Variants in TTLL5 observed in about 807,000 individuals in gnomAD.
The protein encoded by TTLL5 is tubulin polyglutamylase TTLL5.
A neutral mutation model predicts 168.4 loss-of-function variants in TTLL5; 132 were observed. The observed-to-expected ratio is 0.78, with a 90% CI of 0.68 to 0.91. The LOEUF (loss-of-function observed/expected upper bound fraction) is 0.91. Among genes scored for constraint, TTLL5 ranks in the 40% least tolerant of loss-of-function variants. The pLI, the probability that TTLL5 is intolerant of heterozygous loss-of-function variation, is 0.00. For synonymous variants in TTLL5, 546 were observed against 558.6 expected (o/e 0.98, Z 0.32); for missense variants, 1,545 against 1,581.5 (o/e 0.98, Z 0.39).
chr14:75,887,422 T>TA, intron 30 of TTLL5: 7 of 742,416 alleles, frequency 9.4e-6, no homozygotes, highest in Non-Finnish European at 9.9e-6. Context: ...TATTGTGTGT[T>TA]AACCATGTTC....
intron 1 of TTLL5, among the ~76,000 whole-genome samples, chr14:75,662,412 C>T (rs1890798599): frequency 6.6e-6 from 1 of 151,476 alleles, no homozygotes; most frequent in Non-Finnish European, 1.5e-5. Context: ...GCAACCTCCG[C>T]CTCCCGGGTT....
chr14:75,721,649 A>G (rs1241268480), intron 12 of TTLL5, among the ~76,000 whole-genome samples: 1 of 152,210 alleles, frequency 6.6e-6, no homozygotes, highest in Non-Finnish European at 1.5e-5. Flanking sequence ...TGTTTCCTCA[A>G]CTATAAAATG....
rs138264261 is a variant in TTLL5, at chr14:75,720,644, C to T, written c.983C>T (p.Ala328Val). The change falls in exon 12 of 32, where the codon GCT (alanine) becomes GTT (valine). Residue 328 changes from alanine (A) to valine (V), a missense_variant. Coordinates refer to ENST00000298832, the MANE Select transcript of TTLL5 (RefSeq NM_015072.5). ...CTGATCATTAAGACTATAATCTCTG[C>T]TGAACTAGCTATTGCTACTGCCTGT... Reference protein sequence around the residue: ...EDLIIKTIISAELAIATACKT... With the variant: ...EDLIIKTIISVELAIATACKT... 1.1e-4 allele frequency: 177 copies of T among 1,613,576 alleles called. 1 individual carries two copies. The highest frequency in any genetic ancestry group is 1.4e-4 in the Non-Finnish European group (165 of 1,179,690).
In TTLL5 at chr14:75,735,584, C is replaced by A. The variant is rs1888839217; in HGVS notation, c.1281+295C>A. On this transcript the variant is annotated intron_variant, in intron 15 of 31. Transcript: ENST00000298832. ...TTTTTCCGCCTCAGATTGATATGCT[C>A]AGAAACAAGGCACAGAAAAGGAGCC... Among the ~76,000 whole-genome samples, 4 of 152,104 alleles carry A rather than the reference C, an allele frequency of 2.6e-5. No individual in the cohort carries two copies. In the South Asian group the frequency reaches 8.3e-4, roughly 31 times the overall value.
chr14:75,707,451 A>G (rs1401260134), intron 8 of TTLL5, among the ~76,000 whole-genome samples, 172 bp from the exon 9 acceptor site: 1 of 152,070 alleles, frequency 6.6e-6, no homozygotes, highest in Non-Finnish European at 1.5e-5. Flanking sequence ...CGGTACAATT[A>G]TATAGTATAA....
chr14:75,897,445 TTTTTA>T (rs1246752714), intron 30 of TTLL5, among the ~76,000 whole-genome samples: 2 of 152,058 alleles, frequency 1.3e-5, no homozygotes, highest in Non-Finnish European at 2.9e-5. Context: ...TCTTAAGCAG[TTTTTA>T]TTTTATTTTA....
At chr14:75,876,370 T>C (rs772607575) in intron 29 of TTLL5, among the ~76,000 whole-genome samples, 43 of 152,330 alleles carry the variant, frequency 2.8e-4, no homozygotes, top group Non-Finnish European at 2.6e-4. Context: ...CTGATCTCAA[T>C]TGGTTAGTGA....
intron 15 of TTLL5, chr14:75,737,570 C>T (rs1888988183): frequency 1.3e-6 from 2 of 1,535,268 alleles, no homozygotes; most frequent in Admixed American, 3.9e-5. Flanking sequence ...TTATAGCGTC[C>T]AGTATCTGCA....
At chr14:75,885,497 C>T (rs8008572) in intron 30 of TTLL5, among the ~76,000 whole-genome samples, 97,946 of 152,124 alleles carry the variant, frequency 0.64, 33,774 homozygotes, top group Admixed American at 0.76. Flanking sequence ...AGAGTTCTCA[C>T]GTACCACTTG....
chr14:75,676,878 A>G (rs1884204684), intron 3 of TTLL5, among the ~76,000 whole-genome samples: 1 of 151,606 alleles, frequency 6.6e-6, no homozygotes, highest in African/African-American at 2.4e-5. Context: ...GGCTCAAGCA[A>G]CTCTCTTGCC....
At chr14:75,796,999 T>TA (rs1484028024) in intron 27 of TTLL5, among the ~76,000 whole-genome samples, 1 of 152,110 alleles carries the variant, frequency 6.6e-6, no homozygotes, top group Non-Finnish European at 1.5e-5. Flanking sequence ...AATTTGTAGA[T>TA]TGCTTTTGGC....
At chr14:75,876,004 G>T (rs2031455367) in intron 29 of TTLL5, among the ~76,000 whole-genome samples, 1 of 152,232 alleles carries the variant, frequency 6.6e-6, no homozygotes, top group Non-Finnish European at 1.5e-5. Flanking sequence ...GCTGGGCATT[G>T]AAGGAGATAT....
intron 18 of TTLL5, among the ~76,000 whole-genome samples, chr14:75,760,516 A>G (rs955273921): frequency 3.9e-5 from 6 of 152,044 alleles, no homozygotes; most frequent in Non-Finnish European, 5.9e-5. Context: ...AATACAAAGG[A>G]CTCAGAATAT....
intron 2 of TTLL5, among the ~76,000 whole-genome samples, chr14:75,665,359 T>C (rs765969447): frequency 6.6e-6 from 1 of 152,172 alleles, no homozygotes; most frequent in Non-Finnish European, 1.5e-5. Context: ...TTAACAATCA[T>C]AGGTCGGGGG....
intron 27 of TTLL5, among the ~76,000 whole-genome samples, chr14:75,805,114 C>T (rs1566611759): frequency 6.6e-6 from 1 of 152,120 alleles, no homozygotes; most frequent in Non-Finnish European, 1.5e-5. Context: ...TTACATTTGT[C>T]CATCTCTCTC....
intron 2 of TTLL5, among the ~76,000 whole-genome samples, chr14:75,666,754 C>T (rs1471821983): frequency 6.6e-6 from 1 of 152,182 alleles, no homozygotes; most frequent in Non-Finnish European, 1.5e-5. Flanking sequence ...AAGCTGCTTA[C>T]AGCTCCATCT....
At chr14:75,902,729 A>T (rs2032978956) in intron 31 of TTLL5, among the ~76,000 whole-genome samples, 1 of 152,196 alleles carries the variant, frequency 6.6e-6, no homozygotes, top group East Asian at 1.9e-4. Context: ...TGACAGCCTG[A>T]AGCCTCTCAG....
intron 6 of TTLL5, among the ~76,000 whole-genome samples, chr14:75,690,556 C>T (rs1394894929): frequency 6.6e-6 from 1 of 151,984 alleles, no homozygotes; most frequent in Non-Finnish European, 1.5e-5. Flanking sequence ...ATAAGCATGC[C>T]CCTGTCTTAT....
intron 27 of TTLL5, among the ~76,000 whole-genome samples, chr14:75,796,671 T>C (rs1893012074): frequency 6.6e-6 from 1 of 152,212 alleles, no homozygotes; most frequent in Admixed American, 6.5e-5. Context: ...CACCATTTGT[T>C]GAATAGGGTG....
Sources: gnomAD v4.1 joint callset for allele counts (sites outside exome capture counted in the v4.1 genomes callset) on GRCh38, gnomAD v4.1.1 for gene constraint, MANE v1.5 for transcripts, NCBI Gene and HGNC (gene_info 2026-07-23, HGNC 2026-07-21) for gene names.